CD109: variants seen among roughly 807,000 people sequenced by gnomAD.
CD109 encodes CD109 molecule, also known as CD109 antigen.
A neutral mutation model predicts 165.8 loss-of-function variants in CD109; 149 were observed. That is an observed-to-expected ratio of 0.90 (90% CI 0.79 to 1.03). CD109 has a LOEUF of 1.03. CD109 is among the 50% of genes least tolerant of loss of function. The pLI is 0.00. For synonymous variants in CD109, 585 were observed against 592.1 expected, an observed-to-expected ratio of 0.99 and a Z score of 0.18; for missense variants, 1,712 against 1,677.8, an observed-to-expected ratio of 1.02 and a Z score of -0.36.
chr6:73,709,625 A>G (rs1010454303), intron 2 of CD109, among the ~76,000 whole-genome samples: 9 of 152,190 alleles, frequency 5.9e-5, no homozygotes, highest in Non-Finnish European at 1.3e-4. Flanking sequence ...AAAGCCTGGC[A>G]GAGACACAAC....
Position 73,758,982 on chromosome 6 carries a change from T to C in CD109, c.712T>C (p.Tyr238His), listed in dbSNP as rs373548964. ...TGAAGTGACTTTGCAGACACCATTA[T>C]ATTGTTCTATGAATTCTAAGCATTT... is the stretch of plus-strand genomic sequence containing the variant. ...KFEVTLQTPL[Y>H]CSMNSKHLNG... Residue 238 changes from tyrosine (Y) to histidine (H), a missense_variant, in exon 7 of 33, where the codon TAT becomes CAT. Physicochemically the swap from Tyr to His is moderately conservative, Grantham distance 83. Transcript: ENST00000287097. 6.2e-7 allele frequency: 1 copy of C among 1,608,168 alleles called. No individual in the cohort carries two copies. Among genetic ancestry groups the C allele is most frequent in the South Asian group, 1.1e-5 (1 of 90,714 alleles).
At chr6:73,813,476 C>T (rs1283909138) in intron 29 of CD109, among the ~76,000 whole-genome samples, 1 of 152,006 alleles carries the variant, frequency 6.6e-6, no homozygotes, top group African/African-American at 2.4e-5. Context: ...TCAGAATGTT[C>T]ATCAATCCCA....
chr6:73,727,748 G>T lies in CD109; in HGVS notation c.277-2596G>T, dbSNP rs188754954. Reference sequence around the variant, plus strand: ...TAAAAATGATAAACATATCAAATCAGGAAGAGCAATCCCATCAAATATATT... The same window carrying T: ...TAAAAATGATAAACATATCAAATCATGAAGAGCAATCCCATCAAATATATT... On this transcript the variant is annotated intron_variant, in intron 3 of 32. Transcript: ENST00000287097. Among the ~76,000 whole-genome samples, 316 of 152,130 alleles carry T rather than the reference G, an allele frequency of 2.1e-3. 1 individual carries two copies. Among genetic ancestry groups the T allele is most frequent in the African/African-American group, 7.3e-3 (302 of 41,496 alleles).
In CD109 at chr6:73,766,122, ATC is replaced by A; in HGVS notation, c.1301_1302del (p.Ile434ThrfsTer6). On this transcript the variant is annotated frameshift_variant, in exon 11 of 33. Coordinates refer to ENST00000287097, the MANE Select transcript of CD109 (RefSeq NM_133493.5). LOFTEE classifies it high-confidence loss of function. Reference sequence around the variant, plus strand: ...TGGAACTTTTAAGATTGAATTCCCAATCCTGGAGGATTCCAGTGAGCTACAGT... The same window carrying A: ...TGGAACTTTTAAGATTGAATTCCCAACTGGAGGATTCCAGTGAGCTACAGT... The part of the protein sequence containing the change: ...QSGTFKIEFP[I>X]LEDSSELQLK... The A allele has an allele frequency of 6.2e-7, 1 of 1,614,028 alleles. No homozygotes were observed. The highest frequency in any genetic ancestry group is 1.7e-5 in the Admixed American group (1 of 60,024).
At chr6:73,713,120 T>G (rs1284735190) in intron 2 of CD109, among the ~76,000 whole-genome samples, 1 of 152,144 alleles carries the variant, frequency 6.6e-6, no homozygotes, top group African/African-American at 2.4e-5. Flanking sequence ...ATGTTTTGGT[T>G]GTGTAAATTA....
chr6:73,782,047 A>C (rs1774528369), intron 17 of CD109, among the ~76,000 whole-genome samples: 1 of 152,178 alleles, frequency 6.6e-6, no homozygotes, highest in Non-Finnish European at 1.5e-5. Context: ...AGTTATACTA[A>C]CATCATCTTG....
At chr6:73,755,473 C>A (rs749699918) in intron 5 of CD109, among the ~76,000 whole-genome samples, 1 of 152,092 alleles carries the variant, frequency 6.6e-6, no homozygotes, top group African/African-American at 2.4e-5. Context: ...AAAATAACTT[C>A]GTGGTGTACA....
intron 3 of CD109, among the ~76,000 whole-genome samples, chr6:73,726,458 A>G (rs935660477): frequency 3.9e-5 from 6 of 152,210 alleles, no homozygotes; most frequent in African/African-American, 1.4e-4. Context: ...TTTTTAATGG[A>G]AACTATCATC....
chr6:73,791,186 CACATACATATATATATATAT>C, intron 22 of CD109, among the ~76,000 whole-genome samples: 1 of 18,388 alleles, frequency 5.4e-5, no homozygotes. Flanking sequence ...TACACACACA[CACATACATATATATATATAT>C]ATATATATAT....
intron 6 of CD109, among the ~76,000 whole-genome samples, chr6:73,757,018 C>A (rs967084397): frequency 1.3e-5 from 2 of 151,992 alleles, no homozygotes; most frequent in African/African-American, 2.4e-5. Context: ...CCATATTTTT[C>A]ATTTGATTGA....
intron 22 of CD109, among the ~76,000 whole-genome samples, chr6:73,791,184 C>T (rs1262875320): frequency 0.34 from 17,328 of 50,258 alleles, 3,172 homozygotes; most frequent in Admixed American, 0.45. Flanking sequence ...TATACACACA[C>T]ACACATACAT....
At chr6:73,781,465 T>C (rs932039571) in intron 17 of CD109, 146 bp downstream of exon 17, 9 of 678,260 alleles carry the variant, frequency 1.3e-5, no homozygotes, top group Non-Finnish European at 2.3e-5. Context: ...TGGAGTTTAA[T>C]GTACTTAGAA....
chr6:73,765,656 A>T (rs973983909), intron 10 of CD109, among the ~76,000 whole-genome samples: 2 of 152,150 alleles, frequency 1.3e-5, no homozygotes, highest in Non-Finnish European at 2.9e-5. Flanking sequence ...GAGAGGAAAG[A>T]GGAACTGAAA....
At chr6:73,698,997 A>G (rs1313195931) in intron 2 of CD109, among the ~76,000 whole-genome samples, 2 of 152,224 alleles carry the variant, frequency 1.3e-5, no homozygotes, top group South Asian at 2.1e-4. Flanking sequence ...AACAATTGCT[A>G]ATATTATTAG....
chr6:73,778,810 G>A (rs1394721427), intron 15 of CD109, among the ~76,000 whole-genome samples: 1 of 151,312 alleles, frequency 6.6e-6, no homozygotes, highest in African/African-American at 2.4e-5. Context: ...AGTTTTTTTT[G>A]TGATTTTTAA....
Position 73,783,805 on chromosome 6 carries a change from T to C in CD109, c.2204T>C (p.Leu735Pro). 1 of 1,594,156 alleles carries C rather than the reference T, an allele frequency of 6.3e-7. No homozygotes were observed. Residue 735 changes from leucine to proline, a missense_variant, in exon 19 of 33, where the codon CTA becomes CCA. Physicochemically the swap from Leu to Pro is moderately conservative, Grantham distance 98 (BLOSUM62 -3). Transcript: ENST00000287097. Reference sequence around the variant, plus strand: ...ATCTCTGAGGACCTGGGTCTTGGACTAACAACTACTCCAGTGGAGGTATTG... The same window carrying C: ...ATCTCTGAGGACCTGGGTCTTGGACCAACAACTACTCCAGTGGAGGTATTG... The part of the protein sequence containing the change: ...FVISEDLGLG[L>P]TTTPVELQAF...
the CD109 span, among the ~76,000 whole-genome samples, chr6:73,690,325 G>A: frequency 7.2e-4 from 109 of 152,294 alleles, no homozygotes; most frequent in African/African-American, 2.4e-3. Flanking sequence ...TGTGAAAGGC[G>A]AAGTTTCTGA....
intron 23 of CD109, among the ~76,000 whole-genome samples, chr6:73,796,077 C>T (rs757710894): frequency 2.6e-5 from 4 of 152,196 alleles, no homozygotes; most frequent in African/African-American, 4.8e-5. Flanking sequence ...TATTTCTCTC[C>T]ATCCCACTGC....
chr6:73,815,609 C>T (rs537729540), intron 30 of CD109, among the ~76,000 whole-genome samples: 1 of 152,186 alleles, frequency 6.6e-6, no homozygotes, highest in Non-Finnish European at 1.5e-5. Context: ...AGGAGTTTCT[C>T]ATCTTGGATA....
Sources: allele counts gnomAD v4.1 joint callset (sites outside exome capture counted in the v4.1 genomes callset), GRCh38; gene constraint gnomAD v4.1.1; transcripts MANE v1.5; gene names NCBI Gene and HGNC (gene_info 2026-07-23, HGNC 2026-07-21).